The following LRPPRC variants were observed in gnomAD, a reference collection of about 807,000 sequenced individuals.
The protein encoded by LRPPRC is leucine rich pentatricopeptide repeat containing.
In LRPPRC, 120 loss-of-function variants were observed where a neutral mutation model predicts 180.3. The ratio of observed to expected loss-of-function variants is 0.67; its 90% CI spans 0.57 to 0.77. The LOEUF is 0.77. Ranked by LOEUF, LRPPRC falls within the 30% of genes least tolerant of loss-of-function variation. The probability of loss-of-function intolerance (pLI) is 0.00; values close to 1 mark genes in which losing one functional copy is unlikely to be tolerated. For missense variants in LRPPRC, 2,012 were observed against 1,657.2 expected (o/e 1.21, Z -3.72); for synonymous variants, 723 against 600.0 (o/e 1.21, Z -3.00).
intron 36 of LRPPRC, among the ~76,000 whole-genome samples, chr2:43,891,550 T>C (rs1014452120): frequency 6.6e-6 from 1 of 152,202 alleles, no homozygotes; most frequent in Non-Finnish European, 1.5e-5. Flanking sequence ...GATGTTACTA[T>C]TGTAATTGGG....
At chr2:43,929,340 T>C (rs959317688) in intron 25 of LRPPRC, among the ~76,000 whole-genome samples, 2 of 152,242 alleles carry the variant, frequency 1.3e-5, no homozygotes, top group African/African-American at 4.8e-5. Flanking sequence ...GTATGACTAG[T>C]ACTTCGTTAC....
At chr2:43,973,981 G>T in intron 9 of LRPPRC, 81 bp from the exon 10 acceptor site, 1 of 1,109,724 alleles carries the variant, frequency 9.0e-7, no homozygotes, top group Non-Finnish European at 1.4e-6. Context: ...TACCACTTCT[G>T]AGATGAGCAT....
intron 14 of LRPPRC, among the ~76,000 whole-genome samples, chr2:43,951,115 T>C (rs1239201766): frequency 6.6e-6 from 1 of 152,180 alleles, no homozygotes; most frequent in Non-Finnish European, 1.5e-5. Context: ...AAACAGTTAC[T>C]ACATAATGGA....
intron 25 of LRPPRC, among the ~76,000 whole-genome samples, chr2:43,926,787 A>C (rs1362752844): frequency 6.6e-6 from 1 of 152,240 alleles, no homozygotes; most frequent in Non-Finnish European, 1.5e-5. Flanking sequence ...CACAATAATA[A>C]ACCATTGGCT....
rs1673930689 is a variant in LRPPRC at position 43,973,881 on chromosome 2, T to C, written c.1175A>G (p.Asp392Gly). The C allele has an allele frequency of 2.5e-6, 4 of 1,605,550 alleles. No homozygotes were observed. Among genetic ancestry groups the C allele is most frequent in the African/African-American group, 2.7e-5 (2 of 74,730 alleles). ...TMNTPVEKLT[D>G]YCKKLKEVQM... ...GACTTCCTTTAACTTCTTACAGTAG[T>C]CTGTTAGCTTCTCCACAGGCTGTGG... The change falls in exon 10 of 38, where the codon GAC becomes GGC. Residue 392 changes from aspartate to glycine, a missense_variant. Transcript: ENST00000260665.
chr2:43,933,063 T>A (rs1170058551), intron 25 of LRPPRC, among the ~76,000 whole-genome samples: 1 of 152,142 alleles, frequency 6.6e-6, no homozygotes, highest in Non-Finnish European at 1.5e-5. Context: ...GGAAGAAAAA[T>A]TATACCATTT....
At chr2:43,980,655 G>A (rs1013350669) in intron 2 of LRPPRC, among the ~76,000 whole-genome samples, 12 of 151,766 alleles carry the variant, frequency 7.9e-5, no homozygotes, top group African/African-American at 2.9e-4. Context: ...GAAAAGTTAG[G>A]TTCATAATCA....
intron 3 of LRPPRC, among the ~76,000 whole-genome samples, chr2:43,979,390 G>A (rs534906065): frequency 4.6e-5 from 7 of 152,110 alleles, no homozygotes; most frequent in East Asian, 1.9e-4. Context: ...TCTATTTTAC[G>A]GGTACTCCAT....
intron 2 of LRPPRC, among the ~76,000 whole-genome samples, chr2:43,980,643 T>A (rs1674265421): frequency 6.6e-6 from 1 of 150,426 alleles, no homozygotes; most frequent in African/African-American, 2.4e-5. Context: ...CATCTATGAA[T>A]AGAAAAGTTA....
rs757084538 is a variant in LRPPRC, at chr2:43,974,180, G to T, written c.1125C>A (p.Phe375Leu). 10 of 1,613,900 alleles carry T rather than the reference G, an allele frequency of 6.2e-6. No homozygotes were observed. The highest frequency in any genetic ancestry group is 8.5e-6 in the Non-Finnish European group (10 of 1,179,804). The change falls in exon 9 of 38, where the codon TTC (phenylalanine) becomes TTA (leucine). Residue 375 changes from phenylalanine to leucine, a missense_variant. By Grantham distance (22) the Phe-to-Leu change is conservative. Transcript: ENST00000260665. ...TCATAGTCACACAGTGTTGTAAAAA[G>T]AAACTGCCAAAGACACTTGGGCCAT... ...KEDGPSVFGS[F>L]FLQHCVTMNT...
At chr2:43,911,923 T>C (rs1671277142) in intron 30 of LRPPRC, among the ~76,000 whole-genome samples, 1 of 152,182 alleles carries the variant, frequency 6.6e-6, no homozygotes, top group Admixed American at 6.5e-5. Context: ...CACTCTACCT[T>C]CTTCAACACA....
At chr2:43,969,085 T>G (rs1289493980) in intron 11 of LRPPRC, among the ~76,000 whole-genome samples, 3 of 152,162 alleles carry the variant, frequency 2.0e-5, no homozygotes, top group Non-Finnish European at 4.4e-5. Flanking sequence ...TATAAAGTAA[T>G]TTCTCCAAGA....
chr2:43,950,079 T>A (rs942317431), intron 15 of LRPPRC, among the ~76,000 whole-genome samples: 1 of 152,232 alleles, frequency 6.6e-6, no homozygotes, highest in African/African-American at 2.4e-5. Context: ...TACTGAAATA[T>A]AAAGTAAAAT....
At position 43,918,354 on chromosome 2, in the gene LRPPRC, T is replaced by C. The variant is rs1444000445; in HGVS notation, c.2941A>G (p.Ile981Val). ...WQRADAVWNK[I>V]QEENVIPREK... ...CGAGGAATAACATTTTCTTCTTGGA[T>C]TTTATTCCAGACTGCATCAGCTCTT... The change falls in exon 28 of 38, where the codon ATC becomes GTC. Residue 981 changes from isoleucine to valine, a missense_variant. Coordinates refer to ENST00000260665, the MANE Select transcript of LRPPRC (RefSeq NM_133259.4). 1 of 1,611,458 alleles carries C rather than the reference T, an allele frequency of 6.2e-7. No homozygotes were observed. Among genetic ancestry groups the C allele is most frequent in the Non-Finnish European group, 8.5e-7 (1 of 1,177,598 alleles).
chr2:43,931,750 ATCTGATAGAGAATC>A (rs1440862945), intron 25 of LRPPRC, among the ~76,000 whole-genome samples: 1 of 152,162 alleles, frequency 6.6e-6, no homozygotes, highest in Non-Finnish European at 1.5e-5. Context: ...AAGCTCTTAG[ATCTGATAGAGAATC>A]TCCTGTCATG....
intron 25 of LRPPRC, 64 bp downstream of exon 25, chr2:43,934,126 T>A (rs928734005): frequency 1.1e-5 from 10 of 921,580 alleles, no homozygotes; most frequent in African/African-American, 4.9e-5. Context: ...TTAAAATTTT[T>A]AAATGTATTC....
chr2:43,946,323 G>C (rs2105082986), intron 20 of LRPPRC, 80 bp from the exon 21 acceptor site: 2 of 1,122,004 alleles, frequency 1.8e-6, no homozygotes, highest in African/African-American at 3.1e-5. Flanking sequence ...ACTGTTCAGA[G>C]TTTAGAAAAA....
intron 23 of LRPPRC, among the ~76,000 whole-genome samples, chr2:43,935,433 A>C (rs1029895177): frequency 1.1e-4 from 16 of 152,222 alleles, no homozygotes; most frequent in African/African-American, 3.6e-4. Context: ...CTCAAGTTTC[A>C]TATATATGGG....
chr2:43,967,105 A>G (rs909359170), intron 11 of LRPPRC, among the ~76,000 whole-genome samples: 1 of 152,064 alleles, frequency 6.6e-6, no homozygotes, highest in Non-Finnish European at 1.5e-5. Flanking sequence ...ATGTGTACAC[A>G]TATCAAAATG....
Sources: gnomAD v4.1 joint callset for allele counts (sites outside exome capture counted in the v4.1 genomes callset) on GRCh38, gnomAD v4.1.1 for gene constraint, MANE v1.5 for transcripts, NCBI Gene and HGNC (gene_info 2026-07-23, HGNC 2026-07-21) for gene names.